SUMF1: variants seen among roughly 807,000 people sequenced by gnomAD.
SUMF1 encodes formylglycine-generating enzyme.
SUMF1 carries 48 observed loss-of-function variants against 47.6 expected under a neutral mutation model. That is an observed-to-expected ratio of 1.01 (90% CI 0.80 to 1.28). The LOEUF (loss-of-function observed/expected upper bound fraction) is 1.28. Among genes scored for constraint, SUMF1 ranks in the 50% most tolerant of loss-of-function variants. The pLI, the probability that SUMF1 is intolerant of heterozygous loss-of-function variation, is 0.00. For synonymous variants in SUMF1, 230 were observed against 192.1 expected (o/e 1.20, Z -1.63); for missense variants, 571 against 485.4 (o/e 1.18, Z -1.66).
chr3:4,358,024 AT>A (rs1429810860), downstream of SUMF1, among the ~76,000 whole-genome samples: 1 of 152,170 alleles, frequency 6.6e-6, no homozygotes, highest in African/African-American at 2.4e-5. Flanking sequence ...TGAAAAGAAA[AT>A]GCCCATATTG....
intron 9 of SUMF1, among the ~76,000 whole-genome samples, chr3:4,058,044 G>C (rs528692239): frequency 3.3e-5 from 5 of 152,194 alleles, no homozygotes; most frequent in African/African-American, 9.6e-5. Flanking sequence ...TAAGTACTTT[G>C]TATATAGTAA....
intron 9 of SUMF1, among the ~76,000 whole-genome samples, chr3:4,048,833 G>A (rs928411823): frequency 3.3e-5 from 5 of 152,188 alleles, no homozygotes; most frequent in Middle Eastern, 3.4e-3. Flanking sequence ...TCTGAGGCAG[G>A]TTACCAACCT....
intron 8 of SUMF1, among the ~76,000 whole-genome samples, chr3:4,255,639 G>C (rs1410432431): frequency 7.6e-6 from 1 of 132,434 alleles, no homozygotes; most frequent in East Asian, 2.0e-4. Context: ...CCTACAAAGA[G>C]ACTTAGACTA....
chr3:4,328,307 A>C (rs986606389), intron 8 of SUMF1, among the ~76,000 whole-genome samples: 1 of 152,202 alleles, frequency 6.6e-6, no homozygotes, highest in Non-Finnish European at 1.5e-5. Context: ...TATGGAGAGG[A>C]GACTCAGTTT....
chr3:4,121,660 G>C (rs562236616), intron 8 of SUMF1, among the ~76,000 whole-genome samples: 43 of 152,218 alleles, frequency 2.8e-4, no homozygotes, highest in African/African-American at 1.0e-3. Flanking sequence ...CCCAAAAGAA[G>C]TGAAAATAAG....
chr3:4,287,236 T>C (rs13087957), intron 8 of SUMF1, among the ~76,000 whole-genome samples: 50,541 of 151,962 alleles, frequency 0.33, 9,358 homozygotes, highest in Non-Finnish European at 0.43. Context: ...GTTAAGAATA[T>C]AAAGGGAACC....
chr3:4,417,235 G>T lies in SUMF1; in HGVS notation c.733C>A (p.Pro245Thr). 1 of 1,613,850 alleles carries T rather than the reference G, an allele frequency of 6.2e-7. No homozygotes were observed. Among genetic ancestry groups the T allele is most frequent in the Non-Finnish European group, 8.5e-7 (1 of 1,179,848 alleles). ...TTGGGCTGCAGTTTGTTGCCCCAGG[G>T]GAAAAGTCTGTCAGAAGAGACACAG... ...CRGGLHNRLF[P>T]WGNKLQPKGQ... is the part of the protein sequence containing the mutation. The change falls in exon 6 of 9, where the codon CCC (proline) becomes ACC (threonine). Residue 245 changes from proline to threonine, a missense_variant. Transcript: ENST00000272902.
intron 8 of SUMF1, among the ~76,000 whole-genome samples, chr3:4,325,290 G>A (rs575709567): frequency 5.9e-4 from 89 of 152,026 alleles, no homozygotes; most frequent in Non-Finnish European, 1.0e-3. Flanking sequence ...ATTCCTAGAA[G>A]GCTAGTATCC....
At position 4,177,035 on chromosome 3, in the gene SUMF1, A is replaced by G. The variant is rs139461578; in HGVS notation, c.1015-108290T>C. Among the ~76,000 whole-genome samples the G allele has an allele frequency of 3.0e-3, 453 of 152,310 alleles. 3 individuals carry two copies. Among genetic ancestry groups the G allele is most frequent in the African/African-American group, 0.01 (433 of 41,552 alleles). On this transcript the variant is annotated intron_variant and NMD_transcript_variant, in intron 8 of 12. Transcript: ENST00000448413. Reference sequence around the variant, plus strand: ...CCAATACAGGAGCATCCATATTCATAAAGCAAGTCTTTAGAGACCTACAAA... The same window carrying G: ...CCAATACAGGAGCATCCATATTCATGAAGCAAGTCTTTAGAGACCTACAAA...
intron 8 of SUMF1, among the ~76,000 whole-genome samples, chr3:4,165,463 C>T (rs1825509): frequency 0.34 from 51,771 of 151,754 alleles, 8,999 homozygotes; most frequent in East Asian, 0.4. Context: ...TTATCATTAA[C>T]AGGAAGGGGA....
At chr3:4,436,337 A>G (rs1233748622) in intron 3 of SUMF1, among the ~76,000 whole-genome samples, 1 of 152,192 alleles carries the variant, frequency 6.6e-6, no homozygotes, top group Non-Finnish European at 1.5e-5. Flanking sequence ...CGTATATTAT[A>G]TTGTAATCCT....
chr3:4,343,184 G>C (rs1042351948), intron 8 of SUMF1, among the ~76,000 whole-genome samples: 1 of 152,232 alleles, frequency 6.6e-6, no homozygotes, highest in Non-Finnish European at 1.5e-5. Context: ...AGGCTGATGA[G>C]ACTGGATAAT....
intron 7 of SUMF1, among the ~76,000 whole-genome samples, chr3:4,385,011 G>C (rs567401161): frequency 1.4e-4 from 21 of 151,678 alleles, no homozygotes; most frequent in Non-Finnish European, 2.5e-4. Context: ...TCAGCCACCC[G>C]AGTAGCTGGG....
intron 9 of SUMF1, among the ~76,000 whole-genome samples, chr3:4,060,775 C>T (rs1695264467): frequency 6.6e-6 from 1 of 152,166 alleles, no homozygotes; most frequent in Admixed American, 6.5e-5. Flanking sequence ...TAGTACCTTC[C>T]TCCTAGGGTT....
intron 8 of SUMF1, chr3:4,316,226 G>C (rs1407729389): frequency 1.5e-5 from 11 of 712,158 alleles, no homozygotes. Context: ...TGAAAATGAT[G>C]TTAGACAAAA....
chr3:4,290,131 A>AT (rs1338506425), intron 8 of SUMF1, among the ~76,000 whole-genome samples: 1 of 152,232 alleles, frequency 6.6e-6, no homozygotes, highest in Non-Finnish European at 1.5e-5. Flanking sequence ...GACATACCCA[A>AT]TTTTTAACTC....
intron 8 of SUMF1, among the ~76,000 whole-genome samples, chr3:4,248,135 T>C (rs1696709788): frequency 6.6e-6 from 1 of 152,234 alleles, no homozygotes; most frequent in South Asian, 2.1e-4. Context: ...ATTTTTGTCC[T>C]GGGTAAGTCT....
In SUMF1 at chr3:4,346,555, A is replaced by G. The variant is rs148054963; in HGVS notation, c.1014+29775T>C. On this transcript the variant is annotated intron_variant and NMD_transcript_variant, in intron 8 of 12. Coordinates refer to the SUMF1 transcript ENST00000448413. ...AGTTAAGAGGGAAATTTATAGCACTAAATGCCCACATCAGAAAGCTAGAAA... is the reference window on the plus strand; with the variant it reads ...AGTTAAGAGGGAAATTTATAGCACTGAATGCCCACATCAGAAAGCTAGAAA... Among the ~76,000 whole-genome samples the G allele has an allele frequency of 2.1e-3, 320 of 152,314 alleles. 2 individuals carry two copies. Among genetic ancestry groups the G allele is most frequent in the Non-Finnish European group, 3.5e-3 (237 of 68,028 alleles).
intron 8 of SUMF1, among the ~76,000 whole-genome samples, chr3:4,216,685 C>T (rs550550005): frequency 3.0e-4 from 45 of 152,186 alleles, no homozygotes; most frequent in African/African-American, 1.0e-3. Flanking sequence ...AAAACAACCC[C>T]ATCAAAAAGT....
Sources: allele counts gnomAD v4.1 joint callset (sites outside exome capture counted in the v4.1 genomes callset), GRCh38; gene constraint gnomAD v4.1.1; transcripts MANE v1.5; gene names NCBI Gene and HGNC (gene_info 2026-07-23, HGNC 2026-07-21).